The following CR1 variants were observed in gnomAD, a reference collection of about 807,000 sequenced individuals.
CR1 encodes complement receptor type 1.
A neutral mutation model predicts 187.3 loss-of-function variants in CR1; 116 were observed. That is an observed-to-expected ratio of 0.62 (90% CI 0.53 to 0.72). CR1 has a LOEUF of 0.72. Among genes scored for constraint, CR1 ranks in the 30% least tolerant of loss-of-function variants. The pLI is 0.00. For synonymous variants in CR1, 576 were observed against 747.1 expected (o/e 0.77, Z 3.73); for missense variants, 1,731 against 2,110.7 (o/e 0.82, Z 3.52).
At chr1:207,632,212 G>C (rs1365797962) in intron 46 of CR1, among the ~76,000 whole-genome samples, 2 of 152,026 alleles carry the variant, frequency 1.3e-5, no homozygotes, top group Non-Finnish European at 2.9e-5. Flanking sequence ...AATATGCATT[G>C]CTTTTTTAAA....
rs1038479607 is a variant in CR1 at position 207,496,286 on chromosome 1, A to G, written c.19A>G (p.Arg7Gly). 6.2e-7 allele frequency: 1 copy of G among 1,613,828 alleles called. No individual in the cohort carries two copies. Among genetic ancestry groups the G allele is most frequent in the East Asian group, 2.2e-5 (1 of 44,872 alleles). The change falls in exon 1 of 47, where the codon AGA becomes GGA. Residue 7 changes from arginine (R) to glycine (G), a missense_variant. Arg to Gly is a moderately radical substitution (Grantham distance 125). Coordinates refer to ENST00000367049, the MANE Select transcript of CR1 (RefSeq NM_000651.6). MGASSP[R>G]SPEPVGPPAP... ...GGGGAGAATGGGGGCCTCTTCTCCAAGAAGCCCGGAGCCTGTCGGGCCGCC... is the reference window on the plus strand; with the variant it reads ...GGGGAGAATGGGGGCCTCTTCTCCAGGAAGCCCGGAGCCTGTCGGGCCGCC...
chr1:207,512,995 C>T (rs1472549145), intron 4 of CR1, among the ~76,000 whole-genome samples: 1 of 152,170 alleles, frequency 6.6e-6, no homozygotes, highest in African/African-American at 2.4e-5. Context: ...AATCCAGTCT[C>T]CCATCCGTTG....
At chr1:207,566,899 T>C (rs1167880319) in intron 24 of CR1, among the ~76,000 whole-genome samples, 7 of 150,306 alleles carry the variant, frequency 4.7e-5, no homozygotes, top group Non-Finnish European at 8.8e-5. Context: ...CATCTTACAG[T>C]GATTTTTAGA....
At chr1:207,506,671 A>C (rs774718713) in intron 2 of CR1, 43 bp from the exon 3 acceptor site, 1 of 1,568,566 alleles carries the variant, frequency 6.4e-7, no homozygotes, top group Admixed American at 1.7e-5. Flanking sequence ...AAAAGTTTTT[A>C]GTTTACTCTA....
chr1:207,627,947 A>T (rs1461873113), intron 45 of CR1, among the ~76,000 whole-genome samples: 2 of 152,182 alleles, frequency 1.3e-5, no homozygotes, highest in East Asian at 3.9e-4. Flanking sequence ...TAAGGGCACT[A>T]GTCCCATTCA....
intron 46 of CR1, among the ~76,000 whole-genome samples, chr1:207,634,631 G>T (rs565435702): frequency 0.089 from 12,750 of 142,866 alleles, 1,764 homozygotes; most frequent in African/African-American, 0.3. Flanking sequence ...AGATGAGCTG[G>T]AGGCCTCATC....
rs1390654305 is a variant in CR1 at position 207,567,806 on chromosome 1, C to G, written c.3953-18C>G. The stretch of plus-strand genomic sequence containing the variant: ...TGAAACTCCTGAATGAAACTTAGAG[C>G]TTTTGTATGTTTTCTAGAAATCTTT... On this transcript the variant is annotated intron_variant, in intron 24 of 46. Transcript: ENST00000367049. The G allele has an allele frequency of 1.2e-6, 2 of 1,611,068 alleles. No individual in the cohort carries two copies. Among genetic ancestry groups the G allele is most frequent in the East Asian group, 4.5e-5 (2 of 44,870 alleles).
intron 33 of CR1, among the ~76,000 whole-genome samples, chr1:207,585,271 G>A (rs1297301284): frequency 6.6e-6 from 1 of 152,208 alleles, no homozygotes; most frequent in Non-Finnish European, 1.5e-5. Flanking sequence ...ACATGGGCAT[G>A]CAAAGTTCAA....
At chr1:207,616,058 C>T (rs1278372225) in intron 40 of CR1, among the ~76,000 whole-genome samples, 1 of 152,134 alleles carries the variant, frequency 6.6e-6, no homozygotes, top group South Asian at 2.1e-4. Context: ...GTAAAAACAG[C>T]CTTACTGGTG....
At chr1:207,594,171 C>T (rs1480114471) in intron 35 of CR1, among the ~76,000 whole-genome samples, 6 of 152,184 alleles carry the variant, frequency 3.9e-5, no homozygotes, top group Non-Finnish European at 7.3e-5. Context: ...TATTGCAGCA[C>T]TGTTCACAAT....
intron 29 of CR1, 67 bp downstream of exon 29, chr1:207,578,270 G>A (rs1558243273): frequency 1.2e-5 from 20 of 1,611,410 alleles, no homozygotes; most frequent in Non-Finnish European, 1.6e-5. Flanking sequence ...CAGGAGATGA[G>A]TATTTGTTAA....
intron 45 of CR1, among the ~76,000 whole-genome samples, chr1:207,630,227 T>C (rs1202433555): frequency 6.6e-6 from 1 of 152,182 alleles, no homozygotes; most frequent in Non-Finnish European, 1.5e-5. Flanking sequence ...CTAATCAAAA[T>C]TATGTCAGAA....
intron 27 of CR1, among the ~76,000 whole-genome samples, chr1:207,573,994 A>C (rs1482023752): frequency 6.6e-6 from 1 of 152,196 alleles, no homozygotes; most frequent in African/African-American, 2.4e-5. Flanking sequence ...TTAGCTGGGC[A>C]TGGCAGCATA....
chr1:207,496,158 C>A lies in CR1; in HGVS notation c.-110C>A. 6.3e-7 allele frequency: 1 copy of A among 1,588,350 alleles called. No homozygotes were observed. Among genetic ancestry groups the A allele is most frequent in the Non-Finnish European group, 8.6e-7 (1 of 1,164,296 alleles). The stretch of plus-strand genomic sequence containing the variant: ...TCCCGGAACCCCGCAGCCCTCCCCA[C>A]ACTCTGGGCGCGGAGCACAATGATT... On this transcript the variant is annotated 5_prime_UTR_variant, in exon 1 of 47. Coordinates refer to ENST00000367049, the MANE Select transcript of CR1 (RefSeq NM_000651.6).
intron 35 of CR1, chr1:207,606,431 T>G (rs1661752537): frequency 6.6e-6 from 1 of 152,244 alleles, no homozygotes; most frequent in Non-Finnish European, 1.5e-5. Flanking sequence ...CAGTAGTCTT[T>G]GCTACAAATG....
intron 36 of CR1, among the ~76,000 whole-genome samples, chr1:207,609,077 T>C (rs1243644515): frequency 3.3e-5 from 5 of 152,168 alleles, no homozygotes; most frequent in Non-Finnish European, 4.4e-5. Context: ...AACATGGATT[T>C]TTTTTGTGAA....
chr1:207,618,115 G>A lies in CR1; in HGVS notation c.6934G>A (p.Gly2312Arg), dbSNP rs776158638. ...PKIQNGHYIG[G>R]HVSLYLPGMT... ...GATCCAAAACGGGCATTACATTGGA[G>A]GACACGTATCTCTATATCTTCCTGG... Residue 2312 changes from glycine to arginine, a missense_variant, in exon 42 of 47, where the codon GGA (glycine) becomes AGA (arginine). By Grantham distance (125) the Gly-to-Arg change is moderately radical. Transcript: ENST00000367049. 6.2e-7 allele frequency: 1 copy of A among 1,613,810 alleles called. No homozygotes were observed. The highest frequency in any genetic ancestry group is 8.5e-7 in the Non-Finnish European group (1 of 1,179,808).
Position 207,566,522 on chromosome 1 carries a change from G to A in CR1, c.3952+599G>A, listed in dbSNP as rs1423780850. On this transcript the variant is annotated intron_variant, in intron 24 of 46. Coordinates refer to ENST00000367049, the MANE Select transcript of CR1 (RefSeq NM_000651.6). ...CCCCATGTTGTTTCTACTTAGGTGG[G>A]GAGAGGGACAAGAAAAAAAATAAAT... is the stretch of plus-strand genomic sequence containing the variant. 3.3e-5 allele frequency among the ~76,000 whole-genome samples: 5 copies of A among 149,968 alleles called. 2 individuals carry two copies. The highest frequency in any genetic ancestry group is 1.3e-4 in the African/African-American group (5 of 39,508).
chr1:207,609,828 T>C, intron 37 of CR1, 140 bp downstream of exon 37: 1 of 890,632 alleles, frequency 1.1e-6, no homozygotes. Flanking sequence ...TTATCTCTGT[T>C]AATAATTGTC....
Sources: gnomAD v4.1 joint callset for allele counts (sites outside exome capture counted in the v4.1 genomes callset) on GRCh38, gnomAD v4.1.1 for gene constraint, MANE v1.5 for transcripts, NCBI Gene and HGNC (gene_info 2026-07-23, HGNC 2026-07-21) for gene names.